The following IGSF21 variants were observed in gnomAD, a reference collection of about 807,000 sequenced individuals.
IGSF21 encodes the protein immunoglobulin superfamily member 21.
A neutral mutation model predicts 46.8 loss-of-function variants in IGSF21; 28 were observed. The observed-to-expected ratio is 0.60, with a 90% CI of 0.44 to 0.82. The LOEUF (loss-of-function observed/expected upper bound fraction) is 0.82, where lower values mean the gene tolerates loss of function less well. IGSF21 is among the 40% of genes least tolerant of loss of function. IGSF21 has a pLI of 0.00. For synonymous variants in IGSF21, 284 were observed against 273.6 expected, an observed-to-expected ratio of 1.04 and a Z score of -0.38; for missense variants, 624 against 665.5, an observed-to-expected ratio of 0.94 and a Z score of 0.69.
chr1:18,306,433 G>A (rs545937549), intron 3 of IGSF21, among the ~76,000 whole-genome samples: 4 of 152,018 alleles, frequency 2.6e-5, no homozygotes, highest in African/African-American at 7.3e-5. Flanking sequence ...CCATTGATCC[G>A]ATTTGTTTGC....
At chr1:18,151,512 G>A (rs1363372187) in intron 1 of IGSF21, among the ~76,000 whole-genome samples, 1 of 152,118 alleles carries the variant, frequency 6.6e-6, no homozygotes, top group African/African-American at 2.4e-5. Flanking sequence ...ATATACCATC[G>A]ACATCCACAT....
chr1:18,206,881 G>A (rs1280909232), intron 1 of IGSF21, among the ~76,000 whole-genome samples: 1 of 152,210 alleles, frequency 6.6e-6, no homozygotes, highest in South Asian at 2.1e-4. Context: ...TGCTATTGCT[G>A]TGTAACAAAT....
Position 18,291,988 on chromosome 1 carries a change from G to T in IGSF21, c.305+1G>T. 1 of 1,613,196 alleles carries T rather than the reference G, an allele frequency of 6.2e-7. No homozygotes were observed. Among genetic ancestry groups the T allele is most frequent in the African/African-American group, 1.3e-5 (1 of 75,036 alleles). On this transcript the variant is annotated splice_donor_variant, in intron 3 of 9. Coordinates refer to ENST00000251296, the MANE Select transcript of IGSF21 (RefSeq NM_032880.5). LOFTEE classifies it high-confidence loss of function. ...ACCTGGTGTACCAGTCCACTGTGAG[G>T]TGAGTGCCTGGGGGTGGCGGGCCGA...
At chr1:18,257,523 G>A (rs752407745) in intron 2 of IGSF21, among the ~76,000 whole-genome samples, 14 of 152,118 alleles carry the variant, frequency 9.2e-5, no homozygotes, top group South Asian at 2.1e-4. Flanking sequence ...CAGAGAGACC[G>A]TATGTCAAGT....
chr1:18,225,079 T>TCA (rs1227248594), intron 1 of IGSF21, among the ~76,000 whole-genome samples: 1 of 33,430 alleles, frequency 3.0e-5, no homozygotes, highest in African/African-American at 5.4e-5. Flanking sequence ...TCTCTCTCTC[T>TCA]CTCTCTCACA....
intron 1 of IGSF21, among the ~76,000 whole-genome samples, chr1:18,208,832 T>C (rs759438077): frequency 1.3e-5 from 2 of 152,112 alleles, no homozygotes; most frequent in Non-Finnish European, 2.9e-5. Flanking sequence ...CCAGGACACA[T>C]TTTTTTGAAA....
At chr1:18,372,632 A>ATG (rs1557666105) in intron 6 of IGSF21, among the ~76,000 whole-genome samples, 33 of 135,326 alleles carry the variant, frequency 2.4e-4, no homozygotes, top group Admixed American at 1.8e-3. Context: ...ATGGATGGAT[A>ATG]GATGGATGGA....
At chr1:18,359,388 AAGGAAGGAAGGAAGGAAGGAAGGAAGG>A (rs2086066250) in intron 4 of IGSF21, among the ~76,000 whole-genome samples, 2 of 78,480 alleles carry the variant, frequency 2.5e-5, no homozygotes, top group Admixed American at 1.3e-4. Context: ...GAAAGAAAGG[AAGGAAGGAAGGAAGGAAGGAAGGAAGG>A]AAGGAAGGAA....
intron 1 of IGSF21, among the ~76,000 whole-genome samples, chr1:18,208,396 T>TATATATATATATATATATATA (rs397732378): frequency 7.1e-4 from 73 of 102,240 alleles, no homozygotes; most frequent in South Asian, 1.0e-3. Context: ...TATATATATA[T>TATATATATATATATATATATA]TTTTTGAGAC....
chr1:18,357,806 T>C (rs1175384909), intron 4 of IGSF21, among the ~76,000 whole-genome samples: 1 of 152,038 alleles, frequency 6.6e-6, no homozygotes, highest in African/African-American at 2.4e-5. Flanking sequence ...GAGTGACATT[T>C]TCCTAGGACT....
At chr1:18,122,193 CTTTTTTTTT>C (rs766563472) in intron 1 of IGSF21, among the ~76,000 whole-genome samples, 1 of 78,762 alleles carries the variant, frequency 1.3e-5, no homozygotes, top group African/African-American at 4.7e-5. Flanking sequence ...TTCTTTCTTT[CTTTTTTTTT>C]TTTTTTTTTT....
chr1:18,160,463 G>C (rs900228601), intron 1 of IGSF21, among the ~76,000 whole-genome samples: 1 of 152,150 alleles, frequency 6.6e-6, no homozygotes, highest in African/African-American at 2.4e-5. Flanking sequence ...GAGCTCTCCT[G>C]GGTGTGGCTT....
chr1:18,331,625 C>A (rs2085714429), intron 3 of IGSF21, among the ~76,000 whole-genome samples: 1 of 152,146 alleles, frequency 6.6e-6, no homozygotes, highest in Non-Finnish European at 1.5e-5. Context: ...CAGAGAGAGC[C>A]TTTGTTGGGA....
chr1:18,243,243 G>A (rs182217552), intron 2 of IGSF21, among the ~76,000 whole-genome samples: 1 of 152,292 alleles, frequency 6.6e-6, no homozygotes, highest in Non-Finnish European at 1.5e-5. Flanking sequence ...CCAAAGCAAA[G>A]CTCTGCATTT....
In IGSF21 at chr1:18,206,923, T is replaced by C. The variant is rs565838172; in HGVS notation, c.71-20975T>C. Among the ~76,000 whole-genome samples, 4 of 152,360 alleles carry C rather than the reference T, an allele frequency of 2.6e-5. No individual in the cohort carries two copies. In the East Asian group the frequency reaches 7.7e-4, roughly 29 times the overall value. On this transcript the variant is annotated intron_variant, in intron 1 of 9. Coordinates refer to ENST00000251296, the MANE Select transcript of IGSF21 (RefSeq NM_032880.5). ...ACACTTAGCAGTTTACAACACCACC[T>C]GTCTATTTTCTCACAGTTCTGTAGC...
Position 18,309,765 on chromosome 1 carries a change from A to C in IGSF21, c.305+17778A>C, listed in dbSNP as rs531650201. On this transcript the variant is annotated intron_variant, in intron 3 of 9. Transcript: ENST00000251296. ...GGGAGGTGCTGCGGTCTGACAGAGG[A>C]AATACCAGGGTGCCCTGGGAGGGCT... is the stretch of plus-strand genomic sequence containing the variant. Among the ~76,000 whole-genome samples the C allele has an allele frequency of 3.9e-3, 599 of 152,208 alleles. 5 individuals are homozygous for C. Among genetic ancestry groups the C allele is most frequent in the Admixed American group, 8.2e-3 (125 of 15,286 alleles).
chr1:18,192,122 T>C (rs114964175), intron 1 of IGSF21, among the ~76,000 whole-genome samples: 3,977 of 152,320 alleles, frequency 0.026, 176 homozygotes, highest in African/African-American at 0.088. Flanking sequence ...CTGGGTGGAC[T>C]CTTGGCGCTG....
At position 18,376,910 on chromosome 1, in the gene IGSF21, C is replaced by T. The variant is rs145075430; in HGVS notation, c.1212C>T (p.Ala404=). ...GKELVLERVP[A]ELNGSMYRCT... Reference sequence around the variant, plus strand: ...AGCTGGTGCTGGAGCGGGTTCCCGCCGAGCTCAATGGCTCCATGTATCGCT... The same window carrying T: ...AGCTGGTGCTGGAGCGGGTTCCCGCTGAGCTCAATGGCTCCATGTATCGCT... The change falls in exon 8 of 10, where the codon GCC becomes GCT. Residue 404 remains alanine (A), a synonymous_variant. Coordinates refer to ENST00000251296, the MANE Select transcript of IGSF21 (RefSeq NM_032880.5). 168 of 1,612,718 alleles carry T rather than the reference C, an allele frequency of 1.0e-4. No individual in the cohort carries two copies. The Middle Eastern group carries it at 1.2e-3, about 11-fold the overall frequency.
chr1:18,225,129 A>ACACACACAC (rs1491338920), intron 1 of IGSF21, among the ~76,000 whole-genome samples: 98 of 143,622 alleles, frequency 6.8e-4, no homozygotes, highest in Middle Eastern at 3.6e-3. Context: ...ACACACACAC[A>ACACACACAC]AAGAAATCAT....
Sources: allele counts gnomAD v4.1 joint callset (sites outside exome capture counted in the v4.1 genomes callset), GRCh38; gene constraint gnomAD v4.1.1; transcripts MANE v1.5; gene names NCBI Gene and HGNC (gene_info 2026-07-23, HGNC 2026-07-21).